The following ATP8A1 variants were observed in gnomAD, a reference collection of about 807,000 sequenced individuals.
The protein encoded by ATP8A1 is ATPase phospholipid transporting 8A1.
Under a neutral mutation model 177.7 loss-of-function variants are expected in ATP8A1, and 90 were observed. The ratio of observed to expected loss-of-function variants is 0.51; its 90% CI spans 0.43 to 0.60. ATP8A1 has a LOEUF of 0.60. ATP8A1 is among the 20% of genes least tolerant of loss of function. The pLI is 0.00. For missense variants in ATP8A1, 1,072 were observed against 1,392.8 expected (o/e 0.77, Z 3.67); for synonymous variants, 493 against 485.9 (o/e 1.01, Z -0.19).
chr4:42,458,221 C>T (rs898616255), intron 27 of ATP8A1, among the ~76,000 whole-genome samples: 4 of 152,180 alleles, frequency 2.6e-5, no homozygotes, highest in African/African-American at 9.7e-5. Context: ...ATCCCAAACA[C>T]ATAAAAGTAC....
At chr4:42,507,227 T>C in intron 22 of ATP8A1, 73 bp from the exon 23 acceptor site, 2 of 1,453,630 alleles carry the variant, frequency 1.4e-6, no homozygotes, top group Non-Finnish European at 9.4e-7. Context: ...TTGAAGTGTG[T>C]ATATGTTTTA....
At position 42,590,960 on chromosome 4, in the gene ATP8A1, CAA is replaced by C. The variant is rs1249958224; in HGVS notation, c.451-78_451-77del. The C allele has an allele frequency of 5.1e-5, 65 of 1,282,480 alleles. 1 individual carries two copies. Among genetic ancestry groups the C allele is most frequent in the Non-Finnish European group, 5.1e-5 (46 of 907,500 alleles). 79.4% of individuals were successfully genotyped at this position (1,282,480 alleles called of 1,614,324 possible). A position where few individuals can be genotyped will look rare whatever the true frequency, so the allele number is the denominator to read the frequency against. On this transcript the variant is annotated intron_variant, in intron 6 of 36. Coordinates refer to ENST00000381668, the MANE Select transcript of ATP8A1 (RefSeq NM_006095.2). ...AGAGGAAAAAAAACAAACAAATGGA[CAA>C]AAGAGACAGAAAGTTCGAAATTATT...
At chr4:42,637,822 T>C (rs1339066511) in intron 1 of ATP8A1, among the ~76,000 whole-genome samples, 2 of 152,226 alleles carry the variant, frequency 1.3e-5, no homozygotes, top group Non-Finnish European at 2.9e-5. Context: ...TTCAGCCTTG[T>C]TGGATGCTAC....
intron 20 of ATP8A1, 51 bp downstream of exon 20, chr4:42,543,866 A>G (rs552076869): frequency 2.9e-5 from 39 of 1,355,688 alleles, no homozygotes; most frequent in Non-Finnish European, 3.3e-5. Context: ...TAACATATAC[A>G]TTATAAACCA....
chr4:42,417,173 C>T (rs1487286527), intron 35 of ATP8A1, among the ~76,000 whole-genome samples: 1 of 152,058 alleles, frequency 6.6e-6, no homozygotes, highest in African/African-American at 2.4e-5. Context: ...TTATCTTACA[C>T]CTTTGGGGAA....
chr4:42,457,227 T>C (rs1718583546), intron 27 of ATP8A1, among the ~76,000 whole-genome samples: 1 of 152,204 alleles, frequency 6.6e-6, no homozygotes, highest in Non-Finnish European at 1.5e-5. Flanking sequence ...CTGAGCATCT[T>C]CACATGAAGT....
At chr4:42,548,526 T>G (rs1458111287) in intron 19 of ATP8A1, among the ~76,000 whole-genome samples, 1 of 152,230 alleles carries the variant, frequency 6.6e-6, no homozygotes, top group Non-Finnish European at 1.5e-5. Context: ...AAGATCTTGA[T>G]TATTTAATAC....
At chr4:42,592,510 C>A (rs1192686425) in intron 6 of ATP8A1, among the ~76,000 whole-genome samples, 1 of 152,034 alleles carries the variant, frequency 6.6e-6, no homozygotes, top group Non-Finnish European at 1.5e-5. Context: ...AACGGTTCAG[C>A]CTATATGATT....
chr4:42,446,097 A>AAAAGAG (rs1169234116), intron 31 of ATP8A1, among the ~76,000 whole-genome samples: 2 of 148,278 alleles, frequency 1.3e-5, no homozygotes, highest in African/African-American at 4.9e-5. Context: ...AAAAAAAAAA[A>AAAAGAG]AAGAGAAGAG....
intron 1 of ATP8A1, among the ~76,000 whole-genome samples, chr4:42,635,162 T>C (rs1366719016): frequency 6.9e-6 from 1 of 144,410 alleles, no homozygotes; most frequent in Non-Finnish European, 1.5e-5. Flanking sequence ...TATTGAGTAC[T>C]TTTTTTTTTA....
At chr4:42,474,770 A>C (rs894360025) in intron 25 of ATP8A1, among the ~76,000 whole-genome samples, 6 of 152,202 alleles carry the variant, frequency 3.9e-5, no homozygotes, top group Admixed American at 3.9e-4. Context: ...ATCAGGACCT[A>C]GCTTTTGCTG....
chr4:42,588,431 C>A, intron 7 of ATP8A1, 102 bp from the exon 8 acceptor site: 1 of 916,694 alleles, frequency 1.1e-6, no homozygotes, highest in Admixed American at 2.3e-5. Flanking sequence ...TCGTTCTAGA[C>A]AAAGTAATAG....
chr4:42,453,729 A>G (rs1039209190), intron 29 of ATP8A1, among the ~76,000 whole-genome samples: 1 of 152,184 alleles, frequency 6.6e-6, no homozygotes, highest in Admixed American at 6.5e-5. Flanking sequence ...GGCTAAATTC[A>G]GAGACAGTAC....
intron 23 of ATP8A1, among the ~76,000 whole-genome samples, chr4:42,503,963 C>A (rs1190082465): frequency 6.6e-6 from 1 of 152,188 alleles, no homozygotes; most frequent in Non-Finnish European, 1.5e-5. Context: ...TCAGTACATC[C>A]TCTACCTTCC....
chr4:42,507,209 A>C lies in ATP8A1; in HGVS notation c.1948-55T>G, dbSNP rs925386518. ...AAAAATCCGTTCATATTCTTTAAAA[A>C]CAAAAAATTGAAGTGTGTATATGTT... On this transcript the variant is annotated intron_variant, in intron 22 of 36. Coordinates refer to ENST00000381668, the MANE Select transcript of ATP8A1 (RefSeq NM_006095.2). 188 of 1,571,396 alleles carry C rather than the reference A, an allele frequency of 1.2e-4. 1 individual carries two copies. In the African/African-American group the frequency reaches 2.4e-3, roughly 20 times the overall value.
intron 33 of ATP8A1, among the ~76,000 whole-genome samples, chr4:42,426,744 G>T (rs961043629): frequency 6.6e-6 from 1 of 152,134 alleles, no homozygotes; most frequent in African/African-American, 2.4e-5. Context: ...CAAATTAACT[G>T]TAAATCAATT....
At chr4:42,550,196 CTTTTT>C (rs34752933) in intron 18 of ATP8A1, among the ~76,000 whole-genome samples, 11 of 141,040 alleles carry the variant, frequency 7.8e-5, no homozygotes, top group Admixed American at 7.0e-5. Flanking sequence ...TTGTGTCTGG[CTTTTT>C]TTTTTTTTTT....
At chr4:42,602,645 C>A (rs903591799) in intron 5 of ATP8A1, among the ~76,000 whole-genome samples, 1 of 151,952 alleles carries the variant, frequency 6.6e-6, no homozygotes, top group Non-Finnish European at 1.5e-5. Context: ...GGCGCACACC[C>A]GTAGTCCCAG....
chr4:42,554,884 G>A (rs1207595028), intron 16 of ATP8A1, among the ~76,000 whole-genome samples: 7 of 152,132 alleles, frequency 4.6e-5, no homozygotes, highest in Admixed American at 3.9e-4. Flanking sequence ...TATAAAGCAG[G>A]CAGAAAACTG....
Sources: allele counts gnomAD v4.1 joint callset (sites outside exome capture counted in the v4.1 genomes callset), GRCh38; gene constraint gnomAD v4.1.1; transcripts MANE v1.5; gene names NCBI Gene and HGNC (gene_info 2026-07-23, HGNC 2026-07-21).